Variants in TAFA5 observed in about 807,000 individuals in gnomAD.
The protein encoded by TAFA5 is chemokine-like protein TAFA-5.
TAFA5 carries 6 observed loss-of-function variants against 15.3 expected under a neutral mutation model. That is an observed-to-expected ratio of 0.39 (90% CI 0.21 to 0.77). The LOEUF is 0.77. TAFA5 is among the 30% of genes least tolerant of loss of function. The pLI, the probability that TAFA5 is intolerant of heterozygous loss-of-function variation, is 0.41. For synonymous variants in TAFA5, 103 were observed against 80.7 expected, an observed-to-expected ratio of 1.28 and a Z score of -1.48; for missense variants, 161 against 193.1, an observed-to-expected ratio of 0.83 and a Z score of 0.98.
intron 3 of TAFA5, among the ~76,000 whole-genome samples, chr22:48,721,839 C>T (rs759395478): frequency 4.8e-4 from 73 of 152,108 alleles, no homozygotes; most frequent in Non-Finnish European, 2.6e-4. Flanking sequence ...CGTGGTGGCA[C>T]GCACCTGTGA....
At chr22:48,624,581 T>G (rs1246398149) in intron 1 of TAFA5, among the ~76,000 whole-genome samples, 1 of 152,180 alleles carries the variant, frequency 6.6e-6, no homozygotes, top group South Asian at 2.1e-4. Context: ...AGGGCTGCTT[T>G]ATTTACCGGG....
At chr22:48,578,584 G>A (rs374516278) in intron 1 of TAFA5, among the ~76,000 whole-genome samples, 2 of 152,204 alleles carry the variant, frequency 1.3e-5, no homozygotes, top group South Asian at 2.1e-4. Context: ...ATAGGAAGGT[G>A]GGATGAGGAT....
At chr22:48,626,231 G>A (rs9617497) in intron 1 of TAFA5, among the ~76,000 whole-genome samples, 32,800 of 152,160 alleles carry the variant, frequency 0.22, 3,988 homozygotes, top group South Asian at 0.35. Context: ...TTTTGGGATC[G>A]TATGGTAAGA....
At chr22:48,511,034 G>A (rs1241494882) in intron 1 of TAFA5, among the ~76,000 whole-genome samples, 1 of 152,216 alleles carries the variant, frequency 6.6e-6, no homozygotes, top group Non-Finnish European at 1.5e-5. Context: ...CTGTTATGGG[G>A]ACATGCTCAC....
intron 1 of TAFA5, among the ~76,000 whole-genome samples, chr22:48,646,381 G>T (rs1926862453): frequency 1.3e-5 from 2 of 152,212 alleles, no homozygotes; most frequent in Admixed American, 1.3e-4. Context: ...CTGCACACAG[G>T]GTGGAGTTCG....
intron 1 of TAFA5, among the ~76,000 whole-genome samples, chr22:48,600,827 C>G (rs1601606619): frequency 6.6e-6 from 1 of 152,206 alleles, no homozygotes; most frequent in Admixed American, 6.5e-5. Flanking sequence ...TGCGTACCCA[C>G]TGGTCACTTG....
At chr22:48,647,864 C>A (rs1212773937) in intron 2 of TAFA5, among the ~76,000 whole-genome samples, 2 of 152,094 alleles carry the variant, frequency 1.3e-5, no homozygotes, top group Non-Finnish European at 2.9e-5. Context: ...GGGTGAGATG[C>A]GGAGTCCCCT....
intron 2 of TAFA5, among the ~76,000 whole-genome samples, chr22:48,684,506 C>T (rs970750438): frequency 6.6e-6 from 1 of 152,190 alleles, no homozygotes; most frequent in Non-Finnish European, 1.5e-5. Flanking sequence ...CGAGGCTGGA[C>T]ACCCAGGACT....
At chr22:48,641,772 A>C (rs1037729241) in intron 1 of TAFA5, among the ~76,000 whole-genome samples, 13 of 152,220 alleles carry the variant, frequency 8.5e-5, no homozygotes, top group African/African-American at 2.4e-4. Context: ...GCAAGGTCCC[A>C]TGTCCTCTCA....
intron 3 of TAFA5, among the ~76,000 whole-genome samples, chr22:48,719,114 C>A (rs1005281247): frequency 2.6e-5 from 4 of 152,204 alleles, no homozygotes; most frequent in African/African-American, 9.6e-5. Flanking sequence ...TCTTTTGAAT[C>A]CCGTGTGGGG....
intron 2 of TAFA5, among the ~76,000 whole-genome samples, chr22:48,673,188 C>T (rs1222804770): frequency 6.6e-6 from 1 of 152,236 alleles, no homozygotes; most frequent in Non-Finnish European, 1.5e-5. Flanking sequence ...CCTCCAGCAA[C>T]CCCACTTTGA....
chr22:48,585,705 C>CA (rs1396231868), intron 1 of TAFA5, among the ~76,000 whole-genome samples: 1 of 151,246 alleles, frequency 6.6e-6, no homozygotes, highest in Non-Finnish European at 1.5e-5. Context: ...TACACAGACA[C>CA]AGAATATACC....
At chr22:48,646,952 T>C (rs1926890573) in intron 2 of TAFA5, among the ~76,000 whole-genome samples, 1 of 152,086 alleles carries the variant, frequency 6.6e-6, no homozygotes, top group African/African-American at 2.4e-5. Context: ...CTCCAGTTCC[T>C]GGGGGAGTGG....
At chr22:48,602,266 T>G (rs1162347815) in intron 1 of TAFA5, among the ~76,000 whole-genome samples, 1 of 152,196 alleles carries the variant, frequency 6.6e-6, no homozygotes, top group African/African-American at 2.4e-5. Flanking sequence ...CCCAGAGGAA[T>G]GTACAGGCAC....
rs1569157333 is a variant in TAFA5, at chr22:48,489,566, G to T, written c.-27G>T. 5.1e-6 allele frequency: 7 copies of T among 1,368,084 alleles called. No individual in the cohort carries two copies. The Admixed American group carries it at 7.9e-5, about 16-fold the overall frequency. 84.7% of individuals were successfully genotyped at this position (1,368,084 alleles called of 1,614,324 possible). On this transcript the variant is annotated 5_prime_UTR_variant, in exon 1 of 4. Coordinates refer to ENST00000402357, the MANE Select transcript of TAFA5 (RefSeq NM_001082967.3). The surrounding 1 kb of genome is among the most constrained non-coding windows in gnomAD (Gnocchi z 5.5). ...GGGCCGGCTGCTGAGACGCGCTGCT[G>T]CCCCCCGCGCGGGCGCCGCGGCTTC...
intron 2 of TAFA5, among the ~76,000 whole-genome samples, chr22:48,659,001 C>T (rs986478161): frequency 1.3e-5 from 2 of 152,082 alleles, no homozygotes; most frequent in African/African-American, 4.8e-5. Flanking sequence ...GGAGCAGGTG[C>T]GATTACCGGG....
rs1418045453 is a variant in TAFA5, at chr22:48,668,332, G to A, written c.262+21586G>A. On this transcript the variant is annotated intron_variant, in intron 2 of 3. Coordinates refer to ENST00000402357, the MANE Select transcript of TAFA5 (RefSeq NM_001082967.3). Reference sequence around the variant, plus strand: ...TGTTAATCCCCCAGCACTCAGGGCCGCATCTTCACTGGGAGCTGTAGTCCC... The same window carrying A: ...TGTTAATCCCCCAGCACTCAGGGCCACATCTTCACTGGGAGCTGTAGTCCC... Among the ~76,000 whole-genome samples the A allele has an allele frequency of 1.9e-4, 5 of 26,284 alleles. 2 individuals are homozygous for A. The highest frequency in any genetic ancestry group is 4.7e-4 in the Admixed American group (1 of 2,120). The allele number at this position is 26,284 out of a possible 152,430, so 17.2% of individuals were successfully genotyped here.
chr22:48,580,725 G>A (rs972268580), intron 1 of TAFA5, among the ~76,000 whole-genome samples: 3 of 152,192 alleles, frequency 2.0e-5, no homozygotes, highest in Non-Finnish European at 4.4e-5. Context: ...AGCTGTGCCT[G>A]CACCCCTGCA....
intron 1 of TAFA5, among the ~76,000 whole-genome samples, chr22:48,620,476 G>A (rs1447764097): frequency 2.6e-5 from 4 of 151,934 alleles, no homozygotes; most frequent in Admixed American, 1.3e-4. Context: ...GTTCTGCTAC[G>A]GCTGCCTCCT....
Sources: gnomAD v4.1 joint callset for allele counts (sites outside exome capture counted in the v4.1 genomes callset) on GRCh38, gnomAD v4.1.1 for gene constraint, Gnocchi (gnomAD v3.1) non-coding constraint, MANE v1.5 for transcripts, NCBI Gene and HGNC (gene_info 2026-07-23, HGNC 2026-07-21) for gene names.